The following HMCN1 variants were observed in gnomAD, a reference collection of about 807,000 sequenced individuals.
HMCN1 encodes hemicentin-1.
Under a neutral mutation model 625.9 loss-of-function variants are expected in HMCN1, and 321 were observed. The observed-to-expected ratio is 0.51, with a 90% CI of 0.47 to 0.56. The LOEUF is 0.56. HMCN1 is among the 20% of genes least tolerant of loss of function. The pLI, the probability that HMCN1 is intolerant of heterozygous loss-of-function variation, is 0.00. For missense variants in HMCN1, 6,588 were observed against 6,887.3 expected (o/e 0.96, Z 1.54); for synonymous variants, 2,425 against 2,417.6 (o/e 1.00, Z -0.09).
intron 2 of HMCN1, among the ~76,000 whole-genome samples, chr1:185,857,900 A>G (rs1302863908): frequency 6.6e-6 from 1 of 152,220 alleles, no homozygotes; most frequent in Non-Finnish European, 1.5e-5. Flanking sequence ...AAGAATAAAC[A>G]ATATTCTGTA....
chr1:186,149,810 T>A (rs544224171), intron 93 of HMCN1, among the ~76,000 whole-genome samples: 2 of 152,248 alleles, frequency 1.3e-5, no homozygotes, highest in African/African-American at 4.8e-5. Context: ...CAATATTGTG[T>A]CTCAGCTAAT....
chr1:185,758,625 G>C (rs1655285263), intron 1 of HMCN1, among the ~76,000 whole-genome samples: 1 of 151,906 alleles, frequency 6.6e-6, no homozygotes, highest in Admixed American at 6.6e-5. Flanking sequence ...AACAGAGGGA[G>C]ACCCTGTTAC....
chr1:186,164,597 A>G (rs1298438037), intron 97 of HMCN1, among the ~76,000 whole-genome samples: 1 of 152,168 alleles, frequency 6.6e-6, no homozygotes, highest in East Asian at 1.9e-4. Context: ...TGACTAGATG[A>G]AAAGGAAAAC....
chr1:185,967,397 T>C (rs1650486169), intron 14 of HMCN1, among the ~76,000 whole-genome samples: 1 of 152,154 alleles, frequency 6.6e-6, no homozygotes, highest in African/African-American at 2.4e-5. Flanking sequence ...CTCTGTTTCT[T>C]ATCTCAACTA....
chr1:186,128,317 G>A lies in HMCN1; in HGVS notation c.12904+26G>A, dbSNP rs199724666. 27 of 1,546,388 alleles carry A rather than the reference G, an allele frequency of 1.7e-5. No homozygotes were observed. In the African/African-American group the frequency reaches 3.3e-4, roughly 19 times the overall value. Reference sequence around the variant, plus strand: ...GTTGGTCATTTAATTCTCAAGAAGTGAATAAATACACCTATGTAGAACTCT... The same window carrying A: ...GTTGGTCATTTAATTCTCAAGAAGTAAATAAATACACCTATGTAGAACTCT... On this transcript the variant is annotated intron_variant, in intron 83 of 106. Coordinates refer to ENST00000271588, the MANE Select transcript of HMCN1 (RefSeq NM_031935.3).
At chr1:185,771,826 G>T (rs1656262608) in intron 1 of HMCN1, among the ~76,000 whole-genome samples, 1 of 152,162 alleles carries the variant, frequency 6.6e-6, no homozygotes, top group Non-Finnish European at 1.5e-5. Flanking sequence ...AGTAGCTCAT[G>T]ATCTCACTAT....
intron 11 of HMCN1, 115 bp from the exon 12 acceptor site, chr1:185,962,403 T>C (rs1650088566): frequency 2.4e-6 from 2 of 827,364 alleles, no homozygotes; most frequent in Non-Finnish European, 4.2e-6. Flanking sequence ...GGTTCATCCA[T>C]AGAGGAAGGC....
rs756756365 is a variant in HMCN1 at position 185,984,156 on chromosome 1, T to C, written c.2791-13T>C. 17 of 1,609,650 alleles carry C rather than the reference T, an allele frequency of 1.1e-5. No individual in the cohort carries two copies. In the East Asian group the frequency reaches 3.1e-4, roughly 30 times the overall value. On this transcript the variant is annotated splice_polypyrimidine_tract_variant and intron_variant, in intron 18 of 106. Transcript: ENST00000271588. ...TCTTTTTAAATAAAAATTACCTTTTTTTTTCCTTTAAGTTGCTCCAAAATC... is the reference window on the plus strand; with the variant it reads ...TCTTTTTAAATAAAAATTACCTTTTCTTTTCCTTTAAGTTGCTCCAAAATC...
At chr1:186,042,236 T>C (rs939392368) in intron 40 of HMCN1, among the ~76,000 whole-genome samples, 2 of 152,186 alleles carry the variant, frequency 1.3e-5, no homozygotes, top group Non-Finnish European at 2.9e-5. Context: ...GATAGGTCTA[T>C]AATGCCCAAC....
chr1:186,028,555 T>C (rs1366449133), intron 36 of HMCN1, among the ~76,000 whole-genome samples: 2 of 152,158 alleles, frequency 1.3e-5, no homozygotes, highest in Admixed American at 1.3e-4. Flanking sequence ...CAGGCAGGAT[T>C]ATAATTATTT....
At chr1:185,805,158 G>A (rs986541674) in intron 1 of HMCN1, among the ~76,000 whole-genome samples, 10 of 152,062 alleles carry the variant, frequency 6.6e-5, no homozygotes, top group African/African-American at 2.4e-4. Context: ...ACCTTACACT[G>A]GGAGCATGAG....
At chr1:185,916,068 ATGTGTG>A (rs372973815) in intron 6 of HMCN1, among the ~76,000 whole-genome samples, 2 of 149,492 alleles carry the variant, frequency 1.3e-5, no homozygotes, top group African/African-American at 2.4e-5. Context: ...GTGTGTGCAT[ATGTGTG>A]TGTGTGTGTG....
intron 20 of HMCN1, among the ~76,000 whole-genome samples, 192 bp from the exon 21 acceptor site, chr1:185,989,296 A>T (rs1652239995): frequency 1.3e-5 from 2 of 151,954 alleles, no homozygotes; most frequent in South Asian, 4.1e-4. Flanking sequence ...CACCTGGCCC[A>T]ATTTTAGTAC....
Position 185,870,617 on chromosome 1 carries a change from G to A in HMCN1, c.621+4754G>A, listed in dbSNP as rs1428707517. On this transcript the variant is annotated intron_variant, in intron 4 of 106. Coordinates refer to ENST00000271588, the MANE Select transcript of HMCN1 (RefSeq NM_031935.3). ...TATGTATTTATGGGGTTCATGAGAT[G>A]TTTTGATACAGGCATGCAATATGAA... Among the ~76,000 whole-genome samples, 4 of 152,246 alleles carry A rather than the reference G, an allele frequency of 2.6e-5. No homozygotes were observed. In the East Asian group the frequency reaches 7.7e-4, roughly 29 times the overall value.
At chr1:185,865,582 TACACACACACACACAC>T (rs56891910) in intron 3 of HMCN1, among the ~76,000 whole-genome samples, 143 bp from the exon 4 acceptor site, 2,177 of 135,282 alleles carry the variant, frequency 0.016, 65 homozygotes, top group African/African-American at 0.055. Flanking sequence ...TATATAAGCA[TACACACACACACACAC>T]ACACACACAC....
intron 2 of HMCN1, among the ~76,000 whole-genome samples, chr1:185,848,468 T>C (rs1661970290): frequency 1.3e-5 from 2 of 152,130 alleles, no homozygotes; most frequent in Admixed American, 1.3e-4. Context: ...TGAGTATTGG[T>C]GTTCCTCAAG....
intron 35 of HMCN1, among the ~76,000 whole-genome samples, chr1:186,020,697 T>G (rs1253700681): frequency 1.3e-5 from 2 of 152,072 alleles, no homozygotes; most frequent in Non-Finnish European, 2.9e-5. Context: ...AAGCCCTGAT[T>G]AGAGTTCAGA....
chr1:185,835,647 T>C lies in HMCN1; in HGVS notation c.269-10379T>C, dbSNP rs192507821. On this transcript the variant is annotated intron_variant, in intron 1 of 106. Transcript: ENST00000271588. ...AGTGAAGACTCTGAACTTCTTCATA[T>C]TAGAAGTATTTAAATTTAAAATGGG... 7.8e-4 allele frequency among the ~76,000 whole-genome samples: 118 copies of C among 152,198 alleles called. 1 individual carries two copies. The highest frequency in any genetic ancestry group is 4.1e-4 in the South Asian group (2 of 4,820).
At chr1:185,919,763 T>C (rs887137719) in intron 6 of HMCN1, among the ~76,000 whole-genome samples, 4 of 152,234 alleles carry the variant, frequency 2.6e-5, no homozygotes, top group African/African-American at 7.2e-5. Context: ...ACCTGCTGTA[T>C]CTGTTACTTT....
Sources: gnomAD v4.1 joint callset for allele counts (sites outside exome capture counted in the v4.1 genomes callset) on GRCh38, gnomAD v4.1.1 for gene constraint, MANE v1.5 for transcripts, NCBI Gene and HGNC (gene_info 2026-07-23, HGNC 2026-07-21) for gene names.